Variants in DDX24 observed in about 807,000 individuals in gnomAD.
DDX24 encodes the protein ATP-dependent RNA helicase DDX24.
DDX24 carries 24 observed loss-of-function variants against 68.9 expected under a neutral mutation model. The ratio of observed to expected loss-of-function variants is 0.35; its 90% CI spans 0.25 to 0.49. The LOEUF is 0.49. Ranked by LOEUF, DDX24 falls within the 20% of genes least tolerant of loss-of-function variation. The pLI, the probability that DDX24 is intolerant of heterozygous loss-of-function variation, is 0.99. For missense variants in DDX24, 989 were observed against 1,039.0 expected, an observed-to-expected ratio of 0.95 and a Z score of 0.66; for synonymous variants, 395 against 385.2, an observed-to-expected ratio of 1.03 and a Z score of -0.30.
intron 2 of DDX24, among the ~76,000 whole-genome samples, chr14:94,069,470 T>TACGAG (rs1356365110): frequency 2.6e-5 from 4 of 152,076 alleles, no homozygotes; most frequent in Non-Finnish European, 5.9e-5. Context: ...GACACTATTC[T>TACGAG]ACGAGATGGA....
At chr14:94,053,442 C>T in intron 7 of DDX24, 1 of 231,362 alleles carries the variant, frequency 4.3e-6, no homozygotes, top group East Asian at 1.3e-4. Flanking sequence ...CTCCTGTGCT[C>T]AAGCAATCTT....
At chr14:94,075,160 T>C (rs1161484457) in intron 2 of DDX24, among the ~76,000 whole-genome samples, 3 of 152,212 alleles carry the variant, frequency 2.0e-5, no homozygotes, top group Non-Finnish European at 4.4e-5. Context: ...TAACGGATTC[T>C]AAAATCCATA....
At chr14:94,060,756 A>G (rs1209210661) in intron 4 of DDX24, 143 bp from the exon 5 acceptor site, 3 of 1,447,194 alleles carry the variant, frequency 2.1e-6, no homozygotes, top group African/African-American at 2.8e-5. Flanking sequence ...CCCTCAACTA[A>G]TCTCCCTCAT....
chr14:94,055,528 T>C (rs1443492527), intron 6 of DDX24: 7 of 261,264 alleles, frequency 2.7e-5, no homozygotes. Context: ...TCTACTCCTA[T>C]ATATATTTTA....
chr14:94,061,030 G>C lies in DDX24; in HGVS notation c.1280C>G (p.Thr427Arg). 6.2e-7 allele frequency: 1 copy of C among 1,614,154 alleles called. No individual in the cohort carries two copies. Among genetic ancestry groups the C allele is most frequent in the South Asian group, 1.1e-5 (1 of 91,080 alleles). Residue 427 changes from threonine to arginine, a missense_variant, in exon 4 of 9, where the codon ACG becomes AGG. By Grantham distance (71) the Thr-to-Arg change is moderately conservative. Coordinates refer to ENST00000621632, the MANE Select transcript of DDX24 (RefSeq NM_020414.4). ...KTAILVGGMS[T>R]QKQQRMLNRR... ...GTTCAGCATCCTCTGCTGTTTCTGC[G>C]TGGACATTCCACCAACCAAAATAGC...
chr14:94,064,511 G>A (rs1322005012), intron 2 of DDX24, among the ~76,000 whole-genome samples: 1 of 152,234 alleles, frequency 6.6e-6, no homozygotes, highest in Non-Finnish European at 1.5e-5. Flanking sequence ...ACTGAGCTCA[G>A]TCACTAACAA....
chr14:94,054,896 T>A, intron 7 of DDX24, 100 bp downstream of exon 7: 1 of 1,326,220 alleles, frequency 7.5e-7, no homozygotes, highest in South Asian at 1.4e-5. Context: ...AACCATTCCT[T>A]AGTTTTCAAG....
chr14:94,057,460 C>G (rs984772773), intron 6 of DDX24: 2 of 206,214 alleles, frequency 9.7e-6, no homozygotes, highest in African/African-American at 4.6e-5. Context: ...CAAGGTTACA[C>G]AGCTGGGATT....
chr14:94,073,566 T>C (rs1411663934), intron 2 of DDX24, among the ~76,000 whole-genome samples: 1 of 150,994 alleles, frequency 6.6e-6, no homozygotes, highest in African/African-American at 2.5e-5. Context: ...AAGGACATTT[T>C]AGAACAAAAA....
chr14:94,070,559 C>T (rs1463848006), intron 2 of DDX24, among the ~76,000 whole-genome samples: 1 of 152,152 alleles, frequency 6.6e-6, no homozygotes, highest in African/African-American at 2.4e-5. Context: ...CAAAACAAGA[C>T]TAAGCAAAAA....
In DDX24 at chr14:94,079,069, G is replaced by A; in HGVS notation, c.674C>T (p.Pro225Leu). 1 of 1,614,176 alleles carries A rather than the reference G, an allele frequency of 6.2e-7. No homozygotes were observed. The highest frequency in any genetic ancestry group is 8.5e-7 in the Non-Finnish European group (1 of 1,180,032). ...PTPIQALTLAPAIRDKLDILG... is the reference protein window; with the variant it reads ...PTPIQALTLALAIRDKLDILG... ...GATGTCCAGTTTGTCACGGATGGCAGGTGCCAAGGTCAGGGCTTGGATTGG... is the reference window on the plus strand; with the variant it reads ...GATGTCCAGTTTGTCACGGATGGCAAGTGCCAAGGTCAGGGCTTGGATTGG... Residue 225 changes from proline (P) to leucine (L), a missense_variant, in exon 2 of 9, where the codon CCT becomes CTT. Transcript: ENST00000621632.
chr14:94,074,891 A>C (rs1324763480), intron 2 of DDX24, among the ~76,000 whole-genome samples: 1 of 152,238 alleles, frequency 6.6e-6, no homozygotes, highest in Non-Finnish European at 1.5e-5. Context: ...CGGAAATAAA[A>C]AATTTTAAAT....
chr14:94,078,911 C>T (rs551477768), intron 2 of DDX24, 114 bp downstream of exon 2: 14 of 1,147,278 alleles, frequency 1.2e-5, no homozygotes, highest in South Asian at 7.5e-5. Flanking sequence ...CTTTATTCAG[C>T]GTTGCTTTTG....
intron 7 of DDX24, chr14:94,053,345 G>T: frequency 7.3e-6 from 2 of 272,654 alleles, no homozygotes; most frequent in Non-Finnish European, 1.3e-5. Context: ...GCACCACCAT[G>T]CCTAGGTAAT....
Position 94,052,983 on chromosome 14 carries a change from C to T in DDX24, c.2308+15G>A, listed in dbSNP as rs746733089. The T allele has an allele frequency of 5.7e-6, 9 of 1,590,754 alleles. No individual in the cohort carries two copies. The East Asian group carries it at 9.1e-5, about 16-fold the overall frequency. On this transcript the variant is annotated intron_variant, in intron 8 of 8. Coordinates refer to ENST00000621632, the MANE Select transcript of DDX24 (RefSeq NM_020414.4). ...ATTTCAACTTCCTCAATTCCCATCC[C>T]GCCCAAGGGCTTACCCTTATACATG... is the stretch of plus-strand genomic sequence containing the variant.
At chr14:94,063,927 C>T (rs902467417) in intron 2 of DDX24, among the ~76,000 whole-genome samples, 9 of 152,030 alleles carry the variant, frequency 5.9e-5, no homozygotes, top group Non-Finnish European at 1.0e-4. Context: ...AAAACAAAAC[C>T]CCTTATTTTT....
Position 94,079,468 on chromosome 14 carries a change from G to A in DDX24, c.275C>T (p.Ser92Phe), listed in dbSNP as rs146840721. The change falls in exon 2 of 9, where the codon TCT (serine) becomes TTT (phenylalanine). Residue 92 changes from serine (S) to phenylalanine (F), a missense_variant. Coordinates refer to ENST00000621632, the MANE Select transcript of DDX24 (RefSeq NM_020414.4). ...CTTGATCTTTTTCTTTGGTGAGCTA[G>A]ACTTTCCCTCCTCCTCCTCCTCTTC... is the stretch of plus-strand genomic sequence containing the variant. Reference protein sequence around the residue: ...SEEEEEEEGKSSSPKKKIKLK... With the variant: ...SEEEEEEEGKFSSPKKKIKLK... The A allele has an allele frequency of 6.2e-5, 100 of 1,613,914 alleles. No homozygotes were observed. In the African/African-American group the frequency reaches 1.3e-3, roughly 20 times the overall value.
At chr14:94,072,833 A>C (rs1885860251) in intron 2 of DDX24, among the ~76,000 whole-genome samples, 1 of 152,166 alleles carries the variant, frequency 6.6e-6, no homozygotes, top group Non-Finnish European at 1.5e-5. Flanking sequence ...CGTCTCAAAA[A>C]ACAAACAAAC....
chr14:94,070,106 T>C (rs950479150), intron 2 of DDX24, among the ~76,000 whole-genome samples: 1 of 152,162 alleles, frequency 6.6e-6, no homozygotes, highest in African/African-American at 2.4e-5. Flanking sequence ...ATCATTTACC[T>C]TGAAAATCCT....
Sources: allele counts gnomAD v4.1 joint callset (sites outside exome capture counted in the v4.1 genomes callset), GRCh38; gene constraint gnomAD v4.1.1; transcripts MANE v1.5; gene names NCBI Gene and HGNC (gene_info 2026-07-23, HGNC 2026-07-21).